BUB1B: variants seen among roughly 807,000 people sequenced by gnomAD.
The protein encoded by BUB1B is BUB1 mitotic checkpoint serine/threonine kinase B.
BUB1B carries 86 observed loss-of-function variants against 137.7 expected under a neutral mutation model. The ratio of observed to expected loss-of-function variants is 0.62; its 90% confidence interval spans 0.52 to 0.75. The LOEUF (loss-of-function observed/expected upper bound fraction) is 0.75. Among genes scored for constraint, BUB1B ranks in the 30% least tolerant of loss-of-function variants. The probability of loss-of-function intolerance (pLI) is 0.00; values close to 1 mark genes in which losing one functional copy is unlikely to be tolerated. For missense variants in BUB1B, 1,130 were observed against 1,236.9 expected, an observed-to-expected ratio of 0.91 and a Z score of 1.30; for synonymous variants, 420 against 417.9, an observed-to-expected ratio of 1.00 and a Z score of -0.06.
intron 12 of BUB1B, 52 bp from the exon 13 acceptor site, chr15:40,202,353 G>A: frequency 1.4e-6 from 2 of 1,407,954 alleles, no homozygotes; most frequent in Non-Finnish European, 2.0e-6. Context: ...TGGTTGTCTT[G>A]AAGAGTAAAG....
chr15:40,183,374 A>C (rs1459248961), intron 5 of BUB1B, among the ~76,000 whole-genome samples: 1 of 152,252 alleles, frequency 6.6e-6, no homozygotes, highest in Non-Finnish European at 1.5e-5. Context: ...AAGTTTTCTA[A>C]TAAAAAGTTA....
chr15:40,206,032 G>A, intron 14 of BUB1B, 152 bp from the exon 15 acceptor site: 1 of 726,214 alleles, frequency 1.4e-6, no homozygotes, highest in Non-Finnish European at 2.2e-6. Flanking sequence ...AGTTTACTGT[G>A]TTCATGATAT....
chr15:40,172,509 T>C (rs8043080), intron 4 of BUB1B, among the ~76,000 whole-genome samples: 75,647 of 151,974 alleles, frequency 0.5, 19,307 homozygotes, highest in Non-Finnish European at 0.56. Context: ...GAAAATGTTA[T>C]TAAGAAAATT....
At chr15:40,192,543 T>A (rs2037449914) in intron 8 of BUB1B, among the ~76,000 whole-genome samples, 1 of 152,200 alleles carries the variant, frequency 6.6e-6, no homozygotes, top group Non-Finnish European at 1.5e-5. Flanking sequence ...TTTGCTCCAT[T>A]TGTTCATCCC....
chr15:40,183,069 T>TG (rs1359614146), intron 5 of BUB1B, among the ~76,000 whole-genome samples: 1 of 152,186 alleles, frequency 6.6e-6, no homozygotes, highest in African/African-American at 2.4e-5. Context: ...CTGGGTTTTT[T>TG]GGGGTTTTTT....
At chr15:40,219,278 A>G (rs2037852763) in intron 22 of BUB1B, among the ~76,000 whole-genome samples, 1 of 152,174 alleles carries the variant, frequency 6.6e-6, no homozygotes. Flanking sequence ...TTACATTTCT[A>G]AACTATATGC....
In BUB1B at chr15:40,176,636, A is replaced by G. The variant is rs749701720; in HGVS notation, c.544A>G (p.Lys182Glu). ...GATATTTCAGGAAGGGATTCAACAG[A>G]AGGCTGAACCACTAGAAAGACTACA... ...DAIFQEGIQQKAEPLERLQSQ... is the reference protein window; with the variant it reads ...DAIFQEGIQQEAEPLERLQSQ... The change falls in exon 5 of 23, where the codon AAG becomes GAG. Residue 182 changes from lysine (K) to glutamate (E), a missense_variant. Physicochemically the swap from Lys to Glu is moderately conservative, Grantham distance 56. Transcript: ENST00000287598. 1 of 1,614,164 alleles carries G rather than the reference A, an allele frequency of 6.2e-7. No homozygotes were observed.
chr15:40,182,552 G>A (rs2037307484), intron 5 of BUB1B, among the ~76,000 whole-genome samples: 1 of 152,188 alleles, frequency 6.6e-6, no homozygotes, highest in South Asian at 2.1e-4. Context: ...CTGCTTAAGG[G>A]TTAATCTGGG....
chr15:40,185,153 T>C lies in BUB1B; in HGVS notation c.752-12T>C. The C allele has an allele frequency of 6.2e-7, 1 of 1,603,138 alleles. No homozygotes were observed. The highest frequency in any genetic ancestry group is 8.5e-7 in the Non-Finnish European group (1 of 1,170,366). On this transcript the variant is annotated splice_polypyrimidine_tract_variant and intron_variant, in intron 6 of 22. Coordinates refer to ENST00000287598, the MANE Select transcript of BUB1B (RefSeq NM_001211.6). The stretch of plus-strand genomic sequence containing the variant: ...AACATTTTACATGAGGTTTTAATAT[T>C]TTTGCTCCTAGCTCCAAGCCAGAAC...
chr15:40,205,736 G>A (rs1433995311), intron 14 of BUB1B, among the ~76,000 whole-genome samples: 1 of 152,158 alleles, frequency 6.6e-6, no homozygotes, highest in Non-Finnish European at 1.5e-5. Context: ...AGTTTCACTG[G>A]TTGTAAAACT....
chr15:40,201,191 A>C (rs1258533964), intron 12 of BUB1B, among the ~76,000 whole-genome samples: 1 of 152,166 alleles, frequency 6.6e-6, no homozygotes, highest in African/African-American at 2.4e-5. Flanking sequence ...TATTTGGTTT[A>C]ATTGTAATTT....
At chr15:40,218,923 A>G (rs1419613968) in intron 22 of BUB1B, among the ~76,000 whole-genome samples, 3 of 151,990 alleles carry the variant, frequency 2.0e-5, no homozygotes, top group Non-Finnish European at 4.4e-5. Context: ...TTATTTATTT[A>G]TTTTTTGAGA....
At chr15:40,181,331 T>A (rs192766776) in intron 5 of BUB1B, among the ~76,000 whole-genome samples, 1 of 152,208 alleles carries the variant, frequency 6.6e-6, no homozygotes, top group East Asian at 1.9e-4. Flanking sequence ...TCTCAGGTGA[T>A]CCACCCGCCT....
intron 5 of BUB1B, among the ~76,000 whole-genome samples, chr15:40,177,670 A>C (rs1030264215): frequency 3.9e-5 from 6 of 151,978 alleles, no homozygotes; most frequent in Admixed American, 6.6e-5. Context: ...GAGTCCTCTA[A>C]CTTTATTCTT....
In BUB1B at chr15:40,211,780, T is replaced by C. The variant is rs544759922; in HGVS notation, c.2386-719T>C. On this transcript the variant is annotated intron_variant, in intron 18 of 22. Transcript: ENST00000287598. ...GAGAGGTAGTTGCTGGGCTGGGCTA[T>C]GGGAGCAGAGGAGGGAAGCTGGGGT... Among the ~76,000 whole-genome samples the C allele has an allele frequency of 1.9e-3, 291 of 151,920 alleles. 2 individuals carry two copies. Among genetic ancestry groups the C allele is most frequent in the Non-Finnish European group, 3.6e-3 (245 of 67,926 alleles).
intron 4 of BUB1B, 124 bp from the exon 5 acceptor site, chr15:40,176,353 T>C (rs1236462914): frequency 1.1e-6 from 1 of 914,422 alleles, no homozygotes; most frequent in East Asian, 2.6e-5. Context: ...CCTTATCACA[T>C]TGTAATAATA....
chr15:40,165,323 C>T (rs1296441530), intron 2 of BUB1B, 127 bp downstream of exon 2: 2 of 1,224,006 alleles, frequency 1.6e-6, no homozygotes, highest in East Asian at 2.4e-5. Context: ...AGAATCTGTT[C>T]TCTACCTGCT....
intron 20 of BUB1B, among the ~76,000 whole-genome samples, chr15:40,216,571 A>ATATATT (rs1457484634): frequency 2.4e-5 from 2 of 83,050 alleles, no homozygotes; most frequent in African/African-American, 6.1e-5. Context: ...ATATATATAT[A>ATATATT]TTTTTTTTTT....
At chr15:40,217,799 A>C (rs2037819399) in intron 21 of BUB1B, 132 bp downstream of exon 21, 1 of 1,084,464 alleles carries the variant, frequency 9.2e-7, no homozygotes, top group Non-Finnish European at 1.4e-6. Context: ...AAATATCACC[A>C]AGTCAAGTAA....
Sources: allele counts gnomAD v4.1 joint callset (sites outside exome capture counted in the v4.1 genomes callset), GRCh38; gene constraint gnomAD v4.1.1; transcripts MANE v1.5; gene names NCBI Gene and HGNC (gene_info 2026-07-23, HGNC 2026-07-21).